The following HSPA14 variants were observed in gnomAD, a reference collection of about 807,000 sequenced individuals.
HSPA14 encodes heat shock protein family A (Hsp70) member 14.
Under a neutral mutation model 65.5 loss-of-function variants are expected in HSPA14, and 37 were observed. The ratio of observed to expected loss-of-function variants is 0.56; its 90% CI spans 0.43 to 0.74. The LOEUF (loss-of-function observed/expected upper bound fraction) is 0.74, where lower values mean the gene tolerates loss of function less well. Ranked by LOEUF, HSPA14 falls within the 30% of genes least tolerant of loss-of-function variation. The probability of loss-of-function intolerance (pLI) is 0.00; values close to 1 mark genes in which losing one functional copy is unlikely to be tolerated. For synonymous variants in HSPA14, 203 were observed against 214.2 expected, an observed-to-expected ratio of 0.95 and a Z score of 0.46; for missense variants, 564 against 607.6, an observed-to-expected ratio of 0.93 and a Z score of 0.75.
chr10:14,845,598 A>ATT (rs559219676), intron 3 of HSPA14: 325 of 702,632 alleles, frequency 4.6e-4, no homozygotes, highest in Middle Eastern at 1.5e-3. Context: ...TATTATTATT[A>ATT]TTTTTTTTTT....
chr10:14,868,229 G>C (rs189123196), intron 12 of HSPA14, among the ~76,000 whole-genome samples: 2 of 152,264 alleles, frequency 1.3e-5, no homozygotes, highest in Admixed American at 1.3e-4. Flanking sequence ...ACATTATTGT[G>C]TACGTTTTAC....
intron 9 of HSPA14, among the ~76,000 whole-genome samples, chr10:14,854,947 C>G (rs1834135599): frequency 6.6e-6 from 1 of 152,182 alleles, no homozygotes; most frequent in Non-Finnish European, 1.5e-5. Flanking sequence ...TGTTGGACAG[C>G]TATGCTCCAG....
intron 13 of HSPA14, among the ~76,000 whole-genome samples, 177 bp from the exon 14 acceptor site, chr10:14,871,349 CAT>C (rs1384188446): frequency 6.6e-6 from 1 of 152,186 alleles, no homozygotes; most frequent in Non-Finnish European, 1.5e-5. Flanking sequence ...CTAAATATAA[CAT>C]ATGACACTTA....
chr10:14,846,426 T>C (rs1038286377), intron 3 of HSPA14: 34 of 985,366 alleles, frequency 3.5e-5, no homozygotes, highest in African/African-American at 1.4e-4. Context: ...GTAACCCTAA[T>C]GTGGGAATAA....
In HSPA14 at chr10:14,842,526, C is replaced by T; in HGVS notation, c.221+2369C>T. On this transcript the variant is annotated intron_variant, in intron 3 of 13. Coordinates refer to ENST00000378372, the MANE Select transcript of HSPA14 (RefSeq NM_016299.4). The surrounding 1 kb of genome is among the most constrained non-coding windows in gnomAD (Gnocchi z 5.2). Reference sequence around the variant, plus strand: ...TATTTAAAGGCCTATGTTGCCCATGCCACAAGTATGGGTGAGCCACCACAC... The same window carrying T: ...TATTTAAAGGCCTATGTTGCCCATGTCACAAGTATGGGTGAGCCACCACAC... 1 of 1,536,152 alleles carries T rather than the reference C, an allele frequency of 6.5e-7. No homozygotes were observed. The highest frequency in any genetic ancestry group is 1.2e-5 in the South Asian group (1 of 84,064).
intron 8 of HSPA14, among the ~76,000 whole-genome samples, chr10:14,852,853 G>C (rs1400615494): frequency 6.6e-6 from 1 of 152,182 alleles, no homozygotes; most frequent in African/African-American, 2.4e-5. Flanking sequence ...TAGGCACTGA[G>C]GCTTCATTGC....
intron 10 of HSPA14, among the ~76,000 whole-genome samples, chr10:14,864,220 ACT>A (rs550909354): frequency 1.5e-3 from 199 of 133,010 alleles, no homozygotes; most frequent in Admixed American, 2.4e-3. Context: ...ACAGGGCAAG[ACT>A]CTGTCTCCGG....
At position 14,871,728 on chromosome 10, in the gene HSPA14, C is replaced by A; in HGVS notation, c.*122C>A. 2 of 497,574 alleles carry A rather than the reference C, an allele frequency of 4.0e-6. No homozygotes were observed. Among genetic ancestry groups the A allele is most frequent in the Non-Finnish European group, 7.1e-6 (2 of 283,258 alleles). 30.8% of individuals were successfully genotyped at this position (497,574 alleles called of 1,614,324 possible). On this transcript the variant is annotated 3_prime_UTR_variant, in exon 14 of 14. Transcript: ENST00000378372. ...GTATAAACTATGTTTTATTAAACTA[C>A]AATATATCAGTAAGTGTTGCAACCC...
chr10:14,857,339 T>C (rs1371943442), intron 10 of HSPA14, among the ~76,000 whole-genome samples: 1 of 152,208 alleles, frequency 6.6e-6, no homozygotes, highest in Non-Finnish European at 1.5e-5. Flanking sequence ...AGACTATTTT[T>C]ACCTCAAGTT....
At position 14,854,257 on chromosome 10, in the gene HSPA14, A is replaced by C. The variant is rs763481625; in HGVS notation, c.867A>C (p.Gln289His). The C allele has an allele frequency of 7.5e-6, 12 of 1,608,108 alleles. No individual in the cohort carries two copies. The highest frequency in any genetic ancestry group is 1.0e-5 in the Non-Finnish European group (12 of 1,178,506). ...NCFLDSLYEGQDFDCNVSRAR... is the reference protein window; with the variant it reads ...NCFLDSLYEGHDFDCNVSRAR... ...TTCTTGACTCATTATATGAAGGTCAAGATTTTGATTGCAATGTGTCCAGGT... is the reference window on the plus strand; with the variant it reads ...TTCTTGACTCATTATATGAAGGTCACGATTTTGATTGCAATGTGTCCAGGT... Residue 289 changes from glutamine (Q) to histidine (H), a missense_variant, in exon 9 of 14, where the codon CAA becomes CAC. Coordinates refer to ENST00000378372, the MANE Select transcript of HSPA14 (RefSeq NM_016299.4).
At chr10:14,845,183 A>T in intron 3 of HSPA14, 3 of 985,480 alleles carry the variant, frequency 3.0e-6, no homozygotes, top group Non-Finnish European at 3.6e-6. Flanking sequence ...TTACTCTAGA[A>T]GGGAAGACAT....
intron 7 of HSPA14, 60 bp from the exon 8 acceptor site, chr10:14,852,310 A>G: frequency 7.3e-7 from 1 of 1,361,786 alleles, no homozygotes; most frequent in Non-Finnish European, 1.0e-6. Context: ...AGTGACTTCT[A>G]ATATCCAACT....
chr10:14,869,883 T>A (rs1832839841), intron 12 of HSPA14, among the ~76,000 whole-genome samples: 1 of 152,206 alleles, frequency 6.6e-6, no homozygotes, highest in African/African-American at 2.4e-5. Flanking sequence ...AACTTAAAGA[T>A]GCCAGGAGGA....
chr10:14,843,478 C>G, intron 3 of HSPA14: 1 of 1,550,560 alleles, frequency 6.4e-7, no homozygotes, highest in Non-Finnish European at 8.7e-7. Flanking sequence ...GTCCGGGGAG[C>G]CCAGCCCCTG....
chr10:14,867,093 G>C lies in HSPA14; in HGVS notation c.1004G>C (p.Cys335Ser), dbSNP rs745425981. 16 of 1,611,874 alleles carry C rather than the reference G, an allele frequency of 9.9e-6. No homozygotes were observed. The highest frequency in any genetic ancestry group is 1.4e-5 in the Non-Finnish European group (16 of 1,178,268). The change falls in exon 11 of 14, where the codon TGT becomes TCT. Residue 335 changes from cysteine (C) to serine (S), a missense_variant. By Grantham distance (112) the Cys-to-Ser change is moderately radical. Coordinates refer to ENST00000378372, the MANE Select transcript of HSPA14 (RefSeq NM_016299.4). Reference protein sequence around the residue: ...TADDINKVVLCGGSSRIPKLQ... With the variant: ...TADDINKVVLSGGSSRIPKLQ... ...ATTTTTATTCTCTAGGTTGTCCTTT[G>C]TGGAGGGTCTTCTCGAATCCCAAAG...
chr10:14,845,658 A>G (rs1834040590), intron 3 of HSPA14: 3 of 471,020 alleles, frequency 6.4e-6, no homozygotes, highest in Non-Finnish European at 8.3e-6. Flanking sequence ...CAGTGGTGCA[A>G]TCTTGGCTCA....
rs900326874 is a variant in HSPA14, at chr10:14,851,117, A to C, written c.468-102A>C. 1.0e-5 allele frequency: 7 copies of C among 698,406 alleles called. No homozygotes were observed. In the Admixed American group the frequency reaches 1.5e-4, roughly 15 times the overall value. The allele number at this position is 698,406 out of a possible 1,614,324, so 43.3% of individuals were successfully genotyped here. A position where few individuals can be genotyped will look rare whatever the true frequency, so the allele number is the denominator to read the frequency against. On this transcript the variant is annotated intron_variant, in intron 6 of 13. Coordinates refer to ENST00000378372, the MANE Select transcript of HSPA14 (RefSeq NM_016299.4). ...CATTATACTTCATGTTCTACTTATG[A>C]AATTTTAGTAGCTTTTGTATAAAAT...
intron 7 of HSPA14, among the ~76,000 whole-genome samples, chr10:14,851,590 A>G (rs1316052803): frequency 1.3e-5 from 2 of 152,222 alleles, no homozygotes; most frequent in African/African-American, 2.4e-5. Flanking sequence ...AGGCCTGGCC[A>G]GTTTCCAACT....
chr10:14,845,363 G>A (rs539474891), intron 3 of HSPA14: 27 of 985,154 alleles, frequency 2.7e-5, no homozygotes, highest in East Asian at 1.1e-4. Context: ...TTGCAGGCTC[G>A]AGTGCTTAGC....
Sources: gnomAD v4.1 joint callset for allele counts (sites outside exome capture counted in the v4.1 genomes callset) on GRCh38, gnomAD v4.1.1 for gene constraint, Gnocchi (gnomAD v3.1) non-coding constraint, MANE v1.5 for transcripts, NCBI Gene and HGNC (gene_info 2026-07-23, HGNC 2026-07-21) for gene names.